Variants in NOXA1 observed in about 807,000 individuals in gnomAD.
The protein encoded by NOXA1 is NADPH oxidase activator 1, also known as NCF2-like protein.
NOXA1 carries 56 observed loss-of-function variants against 64.8 expected under a neutral mutation model. That is an observed-to-expected ratio of 0.86 (90% CI 0.70 to 1.08). NOXA1 has a LOEUF of 1.08. Among genes scored for constraint, NOXA1 ranks in the 50% least tolerant of loss-of-function variants. The probability of loss-of-function intolerance (pLI) is 0.00; values close to 1 mark genes in which losing one functional copy is unlikely to be tolerated. For missense variants in NOXA1, 668 were observed against 658.5 expected, an observed-to-expected ratio of 1.01 and a Z score of -0.16; for synonymous variants, 295 against 294.8, an observed-to-expected ratio of 1.00 and a Z score of -0.01.
At chr9:137,430,056 CG>C (rs1390041291) in intron 5 of NOXA1, among the ~76,000 whole-genome samples, 2 of 100,636 alleles carry the variant, frequency 2.0e-5, no homozygotes, top group African/African-American at 8.5e-5. Flanking sequence ...AGCGAGGTCC[CG>C]GGGGGCGGGG....
chr9:137,426,134 G>A, intron 1 of NOXA1, 114 bp from the exon 2 acceptor site: 2 of 949,068 alleles, frequency 2.1e-6, no homozygotes, highest in South Asian at 2.7e-5. Context: ...GGGGCTGTGG[G>A]GGGTCCCCAG....
intron 4 of NOXA1, 117 bp downstream of exon 4, chr9:137,429,133 G>T: frequency 7.1e-7 from 1 of 1,399,764 alleles, no homozygotes; most frequent in South Asian, 1.5e-5. Flanking sequence ...CCAGTTTCGG[G>T]TGCCAGGCGG....
Position 137,434,259 on chromosome 9 carries a change from C to A in NOXA1, c.1330C>A (p.Arg444Ser). The part of the protein sequence containing the change: ...QAWLEGHCDG[R>S]IGIFPKCFVV... ...ATGGCTGGAGGGCCACTGTGACGGC[C>A]GCATCGGCATCTTCCCCAAGTGCTT... Residue 444 changes from arginine (R) to serine (S), a missense_variant, in exon 14 of 14, where the codon CGC becomes AGC. Coordinates refer to ENST00000683555, the MANE Select transcript of NOXA1 (RefSeq NM_001256067.2). 1 of 1,610,922 alleles carries A rather than the reference C, an allele frequency of 6.2e-7. No homozygotes were observed. The highest frequency in any genetic ancestry group is 8.5e-7 in the Non-Finnish European group (1 of 1,179,606).
chr9:137,427,940 T>G, intron 2 of NOXA1, 93 bp from the exon 3 acceptor site: 2 of 810,502 alleles, frequency 2.5e-6, no homozygotes, highest in Non-Finnish European at 4.0e-6. Context: ...GAACCAGGTG[T>G]TGGGGGCGGC....
At chr9:137,423,737 C>A in intron 1 of NOXA1, 31 bp downstream of exon 1, 2 of 1,240,926 alleles carry the variant, frequency 1.6e-6, no homozygotes, top group Non-Finnish European at 2.0e-6. Context: ...CCGGTGCGGG[C>A]GACGCCTCCG....
intron 5 of NOXA1, among the ~76,000 whole-genome samples, chr9:137,429,716 G>A (rs563793338): frequency 5.3e-5 from 8 of 152,048 alleles, no homozygotes; most frequent in East Asian, 1.9e-4. Flanking sequence ...GTCTCTCTGC[G>A]TCCTTTCATG....
At chr9:137,426,670 G>A (rs1447866486) in intron 2 of NOXA1, among the ~76,000 whole-genome samples, 1 of 152,132 alleles carries the variant, frequency 6.6e-6, no homozygotes, top group Non-Finnish European at 1.5e-5. Flanking sequence ...AGGAGGGCAG[G>A]CTCTGTGGGG....
intron 1 of NOXA1, among the ~76,000 whole-genome samples, chr9:137,425,666 G>A (rs190029580): frequency 1.3e-4 from 20 of 152,174 alleles, no homozygotes; most frequent in African/African-American, 2.2e-4. Flanking sequence ...GATTACAGGC[G>A]TGAGCTAACA....
intron 1 of NOXA1, 41 bp downstream of exon 1, chr9:137,423,747 G>T: frequency 4.9e-6 from 6 of 1,229,286 alleles, no homozygotes; most frequent in Non-Finnish European, 6.1e-6. Context: ...CGACGCCTCC[G>T]CCTCGAGCCC....
Position 137,433,516 on chromosome 9 carries a change from G to A in NOXA1, c.973G>A (p.Ala325Thr), listed in dbSNP as rs1471824130. Residue 325 changes from alanine to threonine, a missense_variant, in exon 11 of 14, where the codon GCC becomes ACC. Ala to Thr is a moderately conservative substitution (Grantham distance 58). Coordinates refer to ENST00000683555, the MANE Select transcript of NOXA1 (RefSeq NM_001256067.2). Reference protein sequence around the residue: ...TVTVQCAFTVALRARRGADLS... With the variant: ...TVTVQCAFTVTLRARRGADLS... ...CACCGTGCAGTGCGCCTTCACAGTG[G>A]CCCTGAGGGCACGAAGAGGAGCCGA... 3 of 1,599,958 alleles carry A rather than the reference G, an allele frequency of 1.9e-6. No individual in the cohort carries two copies. The highest frequency in any genetic ancestry group is 2.5e-6 in the Non-Finnish European group (3 of 1,176,914).
intron 10 of NOXA1, 22 bp downstream of exon 10, chr9:137,433,285 A>C: frequency 6.5e-7 from 1 of 1,546,540 alleles, no homozygotes; most frequent in Non-Finnish European, 8.7e-7. Flanking sequence ...TAGACCCTTC[A>C]CCTGTCAGTC....
intron 8 of NOXA1, among the ~76,000 whole-genome samples, chr9:137,432,659 G>A (rs1443063016): frequency 6.6e-6 from 1 of 152,248 alleles, no homozygotes; most frequent in African/African-American, 2.4e-5. Flanking sequence ...TGGTGAACTG[G>A]TCTCCTGCTC....
rs1268600294 is a variant in NOXA1, at chr9:137,433,799, G to T, written c.1114G>T (p.Glu372Ter). 2 of 1,453,972 alleles carry T rather than the reference G, an allele frequency of 1.4e-6. No homozygotes were observed. Among genetic ancestry groups the T allele is most frequent in the East Asian group, 2.5e-5 (1 of 40,052 alleles). The allele number at this position is 1,453,972 out of a possible 1,614,324, so 90.1% of individuals were successfully genotyped here. The change falls in exon 12 of 14, where the codon GAG (glutamate) becomes TAG (stop). Residue 372 changes from glutamate (E) to a stop codon, truncating the protein, a stop_gained. Transcript: ENST00000683555. LOFTEE classifies it high-confidence loss of function. ...DGHWVPIPEE[E>*]SLQRAWQDAA... ...GCACTGGGTCCCCATCCCCGAGGAG[G>T]AGTCGCTGCAGAGGGCCTGGCAGGA... is the stretch of plus-strand genomic sequence containing the variant.
In NOXA1 at chr9:137,423,734, G is replaced by A. The variant is rs1008507803; in HGVS notation, c.177+28G>A. On this transcript the variant is annotated intron_variant, in intron 1 of 13. Transcript: ENST00000683555. Reference sequence around the variant, plus strand: ...GAGCGGGGCGTGGGGAGGCCGGTGCGGGCGACGCCTCCGCCTCGAGCCCCT... The same window carrying A: ...GAGCGGGGCGTGGGGAGGCCGGTGCAGGCGACGCCTCCGCCTCGAGCCCCT... The A allele has an allele frequency of 4.0e-6, 5 of 1,244,394 alleles. No homozygotes were observed. The African/African-American group carries it at 7.9e-5, about 20-fold the overall frequency. 77.1% of individuals were successfully genotyped at this position (1,244,394 alleles called of 1,614,324 possible).
At chr9:137,433,676 G>T in intron 11 of NOXA1, 69 bp downstream of exon 11, 1 of 1,512,320 alleles carries the variant, frequency 6.6e-7, no homozygotes, top group South Asian at 1.2e-5. Flanking sequence ...GCTGCTGGAA[G>T]AGGGGGTGGC....
chr9:137,427,959 G>T (rs1308169486), intron 2 of NOXA1, 74 bp from the exon 3 acceptor site: 3 of 1,042,566 alleles, frequency 2.9e-6, no homozygotes, highest in African/African-American at 3.2e-5. Flanking sequence ...GCTCGAGCGG[G>T]GCTGGTGTGA....
chr9:137,431,419 C>A lies in NOXA1; in HGVS notation c.804+78C>A. 1 of 1,204,770 alleles carries A rather than the reference C, an allele frequency of 8.3e-7. No individual in the cohort carries two copies. 74.6% of individuals were successfully genotyped at this position (1,204,770 alleles called of 1,614,324 possible). On this transcript the variant is annotated intron_variant, in intron 8 of 13. Coordinates refer to ENST00000683555, the MANE Select transcript of NOXA1 (RefSeq NM_001256067.2). This position sits in a 1 kb window ranked among gnomAD's most constrained non-coding sequence, Gnocchi z 5.6. ...CCGCAGACTGGGGACCACAATGGGA[C>A]CAACATGAGGGTGGAGGGAGCAGCT...
chr9:137,434,162 G>T (rs1019446014), intron 13 of NOXA1, 62 bp from the exon 14 acceptor site: 2 of 1,582,178 alleles, frequency 1.3e-6, no homozygotes, highest in East Asian at 4.5e-5. Context: ...GCTGTGAGCA[G>T]ACGTGGCACC....
At chr9:137,432,649 T>C (rs1839157865) in intron 8 of NOXA1, among the ~76,000 whole-genome samples, 1 of 152,238 alleles carries the variant, frequency 6.6e-6, no homozygotes, top group Non-Finnish European at 1.5e-5. Context: ...GACTTGCAGC[T>C]GGTGAACTGG....
Sources: gnomAD v4.1 joint callset for allele counts (sites outside exome capture counted in the v4.1 genomes callset) on GRCh38, gnomAD v4.1.1 for gene constraint, Gnocchi (gnomAD v3.1) non-coding constraint, MANE v1.5 for transcripts, NCBI Gene and HGNC (gene_info 2026-07-23, HGNC 2026-07-21) for gene names.